PPP1R42: variants seen among roughly 807,000 people sequenced by gnomAD.
PPP1R42 encodes protein phosphatase 1 regulatory subunit 42, also known as leucine rich repeat containing 67.
Under a neutral mutation model 31.0 loss-of-function variants are expected in PPP1R42, and 34 were observed. The observed-to-expected ratio is 1.10, with a 90% confidence interval of 0.83 to 1.46. PPP1R42 has a LOEUF of 1.46. PPP1R42 is among the 40% of genes most tolerant of loss of function. PPP1R42 has a pLI of 0.00. For synonymous variants in PPP1R42, 103 were observed against 109.8 expected, an observed-to-expected ratio of 0.94 and a Z score of 0.39; for missense variants, 268 against 303.0, an observed-to-expected ratio of 0.88 and a Z score of 0.86.
intron 6 of PPP1R42, among the ~76,000 whole-genome samples, chr8:66,986,498 A>T (rs1585647811): frequency 6.6e-6 from 1 of 152,102 alleles, no homozygotes; most frequent in Non-Finnish European, 1.5e-5. Flanking sequence ...GGCAGCTGCC[A>T]CGCCGCTGTC....
At chr8:66,987,706 C>G (rs573036865) in intron 6 of PPP1R42, among the ~76,000 whole-genome samples, 15 of 152,262 alleles carry the variant, frequency 9.9e-5, no homozygotes, top group Admixed American at 3.9e-4. Flanking sequence ...AAGTTTCTCT[C>G]AATACAAAAT....
In PPP1R42 at chr8:67,014,951, A is replaced by G. The variant is rs117228469; in HGVS notation, c.130-359T>C. 6.2e-3 allele frequency among the ~76,000 whole-genome samples: 946 copies of G among 152,234 alleles called. 5 individuals carry two copies. Among genetic ancestry groups the G allele is most frequent in the Non-Finnish European group, 8.7e-3 (589 of 68,010 alleles). ...GGGTTTAATATTTCTGTAGAATTGG[A>G]AGTCAACTATTGTGGTTTATAATAC... is the stretch of plus-strand genomic sequence containing the variant. On this transcript the variant is annotated intron_variant, in intron 2 of 7. Coordinates refer to ENST00000685739, the MANE Select transcript of PPP1R42 (RefSeq NM_001364910.1).
At chr8:67,004,736 T>G (rs1364553529) in intron 5 of PPP1R42, among the ~76,000 whole-genome samples, 1 of 152,232 alleles carries the variant, frequency 6.6e-6, no homozygotes, top group Non-Finnish European at 1.5e-5. Context: ...TCTTTCTTTT[T>G]GTTTCCGTTT....
In PPP1R42 at chr8:66,999,177, C is replaced by A. The variant is rs368164411; in HGVS notation, c.553-10660G>T. On this transcript the variant is annotated intron_variant, in intron 5 of 7. Transcript: ENST00000685739. ...GGTTCATATGATCCTCCCACCTCAG[C>A]CTCCTGTGTAGCTGGGACTACAGAT... 2.6e-5 allele frequency among the ~76,000 whole-genome samples: 4 copies of A among 152,084 alleles called. No homozygotes were observed. In the East Asian group the frequency reaches 5.8e-4, roughly 22 times the overall value.
chr8:66,974,442 T>A (rs1162328644), intron 7 of PPP1R42, among the ~76,000 whole-genome samples: 1 of 152,052 alleles, frequency 6.6e-6, no homozygotes, highest in African/African-American at 2.4e-5. Flanking sequence ...TAATCTCAGC[T>A]ACTCGGGAGG....
chr8:67,010,977 C>A (rs957421663), intron 4 of PPP1R42, 146 bp from the exon 5 acceptor site: 4 of 683,570 alleles, frequency 5.9e-6, no homozygotes, highest in Non-Finnish European at 8.6e-6. Flanking sequence ...CCATGAAATT[C>A]TTTTTATTGC....
At chr8:66,985,292 A>G (rs1261152027) in intron 6 of PPP1R42, 15 of 885,458 alleles carry the variant, frequency 1.7e-5, no homozygotes, top group Non-Finnish European at 2.6e-5. Context: ...ACTCGGGGTC[A>G]AAAAAGGTAT....
intron 7 of PPP1R42, among the ~76,000 whole-genome samples, chr8:66,965,504 A>G (rs1454038577): frequency 6.7e-6 from 1 of 149,154 alleles, no homozygotes; most frequent in Non-Finnish European, 1.5e-5. Context: ...TGGTGTGATC[A>G]TAGCTCACTG....
At chr8:66,967,420 A>G (rs925813509) in intron 7 of PPP1R42, among the ~76,000 whole-genome samples, 3 of 152,254 alleles carry the variant, frequency 2.0e-5, no homozygotes, top group African/African-American at 7.2e-5. Context: ...TATTTTGCAT[A>G]TAAAATTAAA....
chr8:67,003,875 G>A (rs1815587891), intron 5 of PPP1R42, among the ~76,000 whole-genome samples: 1 of 152,186 alleles, frequency 6.6e-6, no homozygotes, highest in Admixed American at 6.5e-5. Flanking sequence ...TGGATCACAA[G>A]GTCAGGAGAT....
intron 1 of PPP1R42, among the ~76,000 whole-genome samples, chr8:67,021,532 TA>T (rs1816214860): frequency 6.6e-6 from 1 of 152,118 alleles, no homozygotes; most frequent in Non-Finnish European, 1.5e-5. Flanking sequence ...TCTAATTCAA[TA>T]AAAATAACAT....
At chr8:67,007,884 CTTTT>C (rs1157477422) in intron 5 of PPP1R42, among the ~76,000 whole-genome samples, 2 of 133,116 alleles carry the variant, frequency 1.5e-5, no homozygotes, top group South Asian at 2.4e-4. Flanking sequence ...GTAACTGTTC[CTTTT>C]TTTTTTTTTT....
intron 6 of PPP1R42, chr8:66,988,119 A>G: frequency 4.8e-6 from 5 of 1,040,850 alleles, no homozygotes; most frequent in Non-Finnish European, 4.6e-6. Context: ...AAAGGTCAGC[A>G]AGTTCTACAC....
At chr8:67,018,496 C>A (rs1816088129) in intron 1 of PPP1R42, among the ~76,000 whole-genome samples, 1 of 150,618 alleles carries the variant, frequency 6.6e-6, no homozygotes, top group Non-Finnish European at 1.5e-5. Context: ...GGCATGTAGG[C>A]ATGATCATAG....
intron 5 of PPP1R42, among the ~76,000 whole-genome samples, chr8:67,006,400 T>C (rs1410895983): frequency 6.6e-6 from 1 of 152,216 alleles, no homozygotes; most frequent in Non-Finnish European, 1.5e-5. Flanking sequence ...ACTGCTTCAC[T>C]GCAGTCTTGC....
At chr8:66,996,474 T>C (rs923890488) in intron 5 of PPP1R42, among the ~76,000 whole-genome samples, 1 of 152,244 alleles carries the variant, frequency 6.6e-6, no homozygotes, top group Non-Finnish European at 1.5e-5. Context: ...TAGTTTTCTA[T>C]GTACTTACCA....
intron 7 of PPP1R42, among the ~76,000 whole-genome samples, chr8:66,969,810 T>C (rs1462434449): frequency 6.6e-6 from 1 of 152,246 alleles, no homozygotes; most frequent in Non-Finnish European, 1.5e-5. Context: ...CAATGAAATA[T>C]GCTATTATTG....
intron 3 of PPP1R42, among the ~76,000 whole-genome samples, chr8:67,013,706 C>T (rs756505930): frequency 3.3e-5 from 5 of 151,986 alleles, no homozygotes; most frequent in African/African-American, 2.4e-5. Flanking sequence ...GGTGACAGAG[C>T]GAGACTCTGT....
intron 5 of PPP1R42, among the ~76,000 whole-genome samples, chr8:66,990,954 T>G (rs1446209503): frequency 6.6e-6 from 1 of 152,228 alleles, no homozygotes; most frequent in Non-Finnish European, 1.5e-5. Context: ...CGTAGAAGTT[T>G]GTTCATTTGT....
Sources: gnomAD v4.1 joint callset for allele counts (sites outside exome capture counted in the v4.1 genomes callset) on GRCh38, gnomAD v4.1.1 for gene constraint, MANE v1.5 for transcripts, NCBI Gene and HGNC (gene_info 2026-07-23, HGNC 2026-07-21) for gene names.